The following CTTNBP2 variants were observed in gnomAD, a reference collection of about 807,000 sequenced individuals.
CTTNBP2 encodes the protein cortactin-binding protein 2.
In CTTNBP2, 108 loss-of-function variants were observed where a neutral mutation model predicts 156.9. The observed-to-expected ratio is 0.69, with a 90% confidence interval of 0.59 to 0.81. The LOEUF (loss-of-function observed/expected upper bound fraction) is 0.81, where lower values mean the gene tolerates loss of function less well. CTTNBP2 is among the 30% of genes least tolerant of loss of function. CTTNBP2 has a pLI of 0.00. For synonymous variants in CTTNBP2, 767 were observed against 751.8 expected, an observed-to-expected ratio of 1.02 and a Z score of -0.33; for missense variants, 1,924 against 2,035.4, an observed-to-expected ratio of 0.95 and a Z score of 1.05.
intron 9 of CTTNBP2, among the ~76,000 whole-genome samples, chr7:117,765,120 G>A (rs1797416170): frequency 2.0e-5 from 3 of 152,110 alleles, no homozygotes; most frequent in Non-Finnish European, 4.4e-5. Flanking sequence ...TTCTTTAGTA[G>A]AGACGGGGTT....
At chr7:117,740,915 T>C (rs996045403) in intron 14 of CTTNBP2, among the ~76,000 whole-genome samples, 2 of 152,118 alleles carry the variant, frequency 1.3e-5, no homozygotes, top group African/African-American at 4.8e-5. Context: ...TGGGTCCTAC[T>C]GAGAAGACGG....
chr7:117,824,180 G>GA (rs1554439754), intron 2 of CTTNBP2, among the ~76,000 whole-genome samples: 9 of 148,204 alleles, frequency 6.1e-5, no homozygotes, highest in African/African-American at 2.2e-4. Context: ...AAACTTTCTG[G>GA]TTTTTTTTTT....
intron 2 of CTTNBP2, among the ~76,000 whole-genome samples, chr7:117,825,007 T>C (rs1252865005): frequency 6.6e-6 from 1 of 152,240 alleles, no homozygotes; most frequent in Non-Finnish European, 1.5e-5. Context: ...GATCTGGTGT[T>C]TATCCATAAG....
intron 2 of CTTNBP2, among the ~76,000 whole-genome samples, chr7:117,836,452 C>T (rs1402446092): frequency 3.9e-5 from 6 of 151,904 alleles, no homozygotes; most frequent in East Asian, 1.9e-4. Context: ...TAGTCCCAGC[C>T]ACTCCGGAGG....
chr7:117,821,456 A>G (rs1469248107), intron 2 of CTTNBP2, among the ~76,000 whole-genome samples: 1 of 152,020 alleles, frequency 6.6e-6, no homozygotes, highest in Non-Finnish European at 1.5e-5. Context: ...ATTTTTCTGC[A>G]TCTATTAATG....
At position 117,711,588 on chromosome 7, in the gene CTTNBP2, T is replaced by G. The variant is rs368353006; in HGVS notation, c.4941A>C (p.Glu1647Asp). The G allele has an allele frequency of 6.2e-7, 1 of 1,613,788 alleles. No homozygotes were observed. Among genetic ancestry groups the G allele is most frequent in the Non-Finnish European group, 8.5e-7 (1 of 1,179,848 alleles). Residue 1647 changes from glutamate (E) to aspartate (D), a missense_variant, in exon 23 of 23, where the codon GAA (glutamate) becomes GAC (aspartate). Glu to Asp is a conservative substitution (Grantham distance 45). Coordinates refer to ENST00000160373, the MANE Select transcript of CTTNBP2 (RefSeq NM_033427.3). Reference protein sequence around the residue: ...RQIEINNNSKEVNWNLHKNEH... With the variant: ...RQIEINNNSKDVNWNLHKNEH... ...CATTTTTGTGTAAGTTCCAATTCAC[T>G]TCTTTTGAGTTGTTGTTGATTTCTA...
chr7:117,862,056 T>TACAC (rs150931611), intron 1 of CTTNBP2, among the ~76,000 whole-genome samples: 28 of 149,224 alleles, frequency 1.9e-4, no homozygotes, highest in Middle Eastern at 3.4e-3. Flanking sequence ...CACCAGCACA[T>TACAC]ACACACACAC....
At chr7:117,801,906 AT>A (rs201517444) in intron 3 of CTTNBP2, among the ~76,000 whole-genome samples, 4 of 151,910 alleles carry the variant, frequency 2.6e-5, no homozygotes, top group African/African-American at 9.7e-5. Flanking sequence ...TATTTTTTTT[AT>A]TTTTTTATTT....
chr7:117,805,516 A>G (rs16870136), intron 3 of CTTNBP2, among the ~76,000 whole-genome samples: 41,147 of 152,088 alleles, frequency 0.27, 5,994 homozygotes, highest in African/African-American at 0.34. Context: ...TAGCCTCTAC[A>G]GTATGTAATA....
intron 22 of CTTNBP2, chr7:117,714,041 A>G (rs1273264232): frequency 1.3e-5 from 2 of 152,240 alleles, no homozygotes; most frequent in East Asian, 1.9e-4. Flanking sequence ...ACGTCCGAGG[A>G]AGCCTGGAAA....
intron 17 of CTTNBP2, among the ~76,000 whole-genome samples, chr7:117,725,602 T>C (rs184544761): frequency 6.6e-6 from 1 of 152,322 alleles, no homozygotes; most frequent in Non-Finnish European, 1.5e-5. Context: ...TTCCTAAAAG[T>C]CCATGTCTAA....
chr7:117,862,093 C>T (rs537444941), intron 1 of CTTNBP2, among the ~76,000 whole-genome samples: 17 of 152,174 alleles, frequency 1.1e-4, no homozygotes, highest in African/African-American at 2.2e-4. Flanking sequence ...TACAGGCACA[C>T]GCACTTTTAA....
At chr7:117,752,632 A>G (rs1796671707) in intron 12 of CTTNBP2, among the ~76,000 whole-genome samples, 1 of 152,178 alleles carries the variant, frequency 6.6e-6, no homozygotes, top group Non-Finnish European at 1.5e-5. Context: ...GGGTTTTAAC[A>G]CATGCATTTT....
intron 12 of CTTNBP2, among the ~76,000 whole-genome samples, chr7:117,748,270 A>G (rs560931794): frequency 1.3e-5 from 2 of 152,314 alleles, no homozygotes; most frequent in South Asian, 4.1e-4. Context: ...TGTACTTTTC[A>G]TTAAAAAATG....
chr7:117,802,408 G>C (rs1397842538), intron 3 of CTTNBP2, among the ~76,000 whole-genome samples: 2 of 136,186 alleles, frequency 1.5e-5, no homozygotes, highest in Non-Finnish European at 3.1e-5. Context: ...AGAAAATCTA[G>C]GAAATACCAT....
intron 19 of CTTNBP2, among the ~76,000 whole-genome samples, chr7:117,723,389 A>T (rs548862600): frequency 4.6e-5 from 7 of 152,340 alleles, no homozygotes; most frequent in Admixed American, 4.6e-4. Context: ...TTTTTTAAAT[A>T]TAAGATTTTA....
At chr7:117,860,779 T>TA (rs926593157) in intron 2 of CTTNBP2, among the ~76,000 whole-genome samples, 7 of 152,134 alleles carry the variant, frequency 4.6e-5, no homozygotes, top group East Asian at 3.8e-4. Flanking sequence ...TTTCTAAAAA[T>TA]AAAAAAATAA....
rs201419286 is a variant in CTTNBP2, at chr7:117,847,819, C to CTTTTTTTTTTTTTTTT, written c.189+13374_189+13389dup. On this transcript the variant is annotated intron_variant, in intron 2 of 22. Transcript: ENST00000160373. ...TTTTTATAGATCTTCTTTGCCTAAC[C>CTTTTTTTTTTTTTTTT]TTTTTTTTTTTTTTTTTTTTTTTTT... Among the ~76,000 whole-genome samples, 6 of 91,356 alleles carry CTTTTTTTTTTTTTTTT rather than the reference C, an allele frequency of 6.6e-5. 1 individual carries two copies. Among genetic ancestry groups the CTTTTTTTTTTTTTTTT allele is most frequent in the African/African-American group, 2.9e-4 (6 of 21,006 alleles). 59.9% of individuals were successfully genotyped at this position (91,356 alleles called of 152,430 possible). A position where few individuals can be genotyped will look rare whatever the true frequency, so the allele number is the denominator to read the frequency against.
chr7:117,833,913 G>GA (rs914809425), intron 2 of CTTNBP2, among the ~76,000 whole-genome samples: 2 of 151,862 alleles, frequency 1.3e-5, no homozygotes, highest in Admixed American at 6.5e-5. Flanking sequence ...TCAGCTGAAA[G>GA]AAAAAAATGT....
Sources: allele counts gnomAD v4.1 joint callset (sites outside exome capture counted in the v4.1 genomes callset), GRCh38; gene constraint gnomAD v4.1.1; transcripts MANE v1.5; gene names NCBI Gene and HGNC (gene_info 2026-07-23, HGNC 2026-07-21).